Variants in PCGF3 observed in about 807,000 individuals in gnomAD.
The protein encoded by PCGF3 is polycomb group ring finger 3.
Under a neutral mutation model 33.1 loss-of-function variants are expected in PCGF3, and 7 were observed. The observed-to-expected ratio is 0.21, with a 90% confidence interval of 0.12 to 0.40. PCGF3 has a LOEUF of 0.40. Among genes scored for constraint, PCGF3 ranks in the 10% least tolerant of loss-of-function variants. The probability of loss-of-function intolerance (pLI) is 1.00; values close to 1 mark genes in which losing one functional copy is unlikely to be tolerated. For synonymous variants in PCGF3, 153 were observed against 121.3 expected, an observed-to-expected ratio of 1.26 and a Z score of -1.72; for missense variants, 211 against 313.3, an observed-to-expected ratio of 0.67 and a Z score of 2.46.
At chr4:743,007 G>A (rs1324170559) in intron 6 of PCGF3, among the ~76,000 whole-genome samples, 3 of 152,218 alleles carry the variant, frequency 2.0e-5, no homozygotes, top group Non-Finnish European at 2.9e-5. Flanking sequence ...CAGGAGCGTG[G>A]GGGGAACCCA....
intron 9 of PCGF3, chr4:762,226 TC>T: frequency 2.3e-6 from 1 of 425,744 alleles, no homozygotes. Context: ...ATGAAATAAT[TC>T]TGGAATATCT....
intron 1 of PCGF3, among the ~76,000 whole-genome samples, chr4:714,236 T>G (rs962231601): frequency 5.3e-5 from 8 of 152,236 alleles, no homozygotes; most frequent in African/African-American, 1.9e-4. Context: ...TTCTGTGGTT[T>G]GTCAGCTGCT....
rs142922203 is a variant in PCGF3 at position 719,954 on chromosome 4, G to A, written c.-189-10676G>A. Among the ~76,000 whole-genome samples, 381 of 152,314 alleles carry A rather than the reference G, an allele frequency of 2.5e-3. 2 individuals carry two copies. The highest frequency in any genetic ancestry group is 8.8e-3 in the African/African-American group (365 of 41,564). On this transcript the variant is annotated intron_variant, in intron 1 of 10. Transcript: ENST00000362003. ...GAGAGTCCATTGGGATCGTAGCTGT[G>A]GTGCGGTTCACAGCGTTGTGAACAG...
At chr4:768,324 G>A (rs561521894) in exon 11 of PCGF3, 1 of 152,566 alleles carries the variant, frequency 6.6e-6, no homozygotes, top group African/African-American at 2.4e-5. Flanking sequence ...AGCCTTAGTC[G>A]TTGGAGGCTG....
intron 1 of PCGF3, among the ~76,000 whole-genome samples, chr4:707,051 C>T (rs990972029): frequency 1.3e-5 from 2 of 152,166 alleles, no homozygotes; most frequent in Non-Finnish European, 1.5e-5. Flanking sequence ...TCAGACCAGG[C>T]AGGACCTGAA....
At chr4:711,971 A>G (rs1304016680) in intron 1 of PCGF3, among the ~76,000 whole-genome samples, 1 of 150,786 alleles carries the variant, frequency 6.6e-6, no homozygotes, top group African/African-American at 2.4e-5. Context: ...TAAAAAGTAA[A>G]AAAAAAAAGA....
At chr4:765,953 C>A in intron 10 of PCGF3, 79 bp from the exon 11 acceptor site, 1 of 1,339,066 alleles carries the variant, frequency 7.5e-7, no homozygotes, top group Non-Finnish European at 1.1e-6. Context: ...CGTGATTCCT[C>A]AGCACCCTTC....
intron 8 of PCGF3, among the ~76,000 whole-genome samples, chr4:760,915 C>A (rs558395840): frequency 1.1e-4 from 16 of 152,346 alleles, no homozygotes; most frequent in African/African-American, 3.6e-4. Flanking sequence ...CGAGTGCATT[C>A]GCAGACACGG....
chr4:749,382 T>G (rs1208910822), intron 8 of PCGF3, among the ~76,000 whole-genome samples: 1 of 152,042 alleles, frequency 6.6e-6, no homozygotes, highest in East Asian at 1.9e-4. Flanking sequence ...CAGGCTGATC[T>G]TGAACTCTTG....
chr4:715,579 G>A (rs13141283), intron 1 of PCGF3, among the ~76,000 whole-genome samples: 1,871 of 59,230 alleles, frequency 0.032, no homozygotes, highest in Middle Eastern at 0.074. Context: ...GGGACCCTGT[G>A]GACACTGTGA....
chr4:742,318 T>C (rs1235310690), intron 6 of PCGF3, among the ~76,000 whole-genome samples: 2 of 152,248 alleles, frequency 1.3e-5, no homozygotes, highest in Admixed American at 6.5e-5. Flanking sequence ...CATTGGTCCC[T>C]GCACGGTTGG....
chr4:752,595 G>A (rs1228917866), intron 8 of PCGF3, among the ~76,000 whole-genome samples: 4 of 152,180 alleles, frequency 2.6e-5, no homozygotes, highest in Non-Finnish European at 4.4e-5. Flanking sequence ...GGTGGGGGAC[G>A]GGCCTGCTGC....
In PCGF3 at chr4:734,182, G is replaced by A. The variant is rs201059663; in HGVS notation, c.109+393G>A. The A allele has an allele frequency of 2.7e-3, 4,168 of 1,542,338 alleles. 6 individuals are homozygous for A. Among genetic ancestry groups the A allele is most frequent in the Non-Finnish European group, 3.2e-3 (3,611 of 1,140,236 alleles). ...CCTGATGTGCGTCCTCACACCTGAT[G>A]AGTCTGTGCTTTGGTGTTAGAGGAC... On this transcript the variant is annotated intron_variant, in intron 4 of 10. Transcript: ENST00000362003.
intron 1 of PCGF3, among the ~76,000 whole-genome samples, chr4:727,811 G>A (rs534048810): frequency 1.3e-5 from 2 of 152,110 alleles, no homozygotes; most frequent in South Asian, 4.1e-4. Context: ...AGTTCTTTCC[G>A]TCTGCCATGG....
In PCGF3 at chr4:711,039, G is replaced by A. The variant is rs1742538849; in HGVS notation, c.-190+5069G>A. ...CACACTGGACATTTGACCGGTGTGA[G>A]GACTTAGCTCCAGGGTCCAGGCACT... is the stretch of plus-strand genomic sequence containing the variant. On this transcript the variant is annotated intron_variant, in intron 1 of 10. Transcript: ENST00000362003. 2.6e-5 allele frequency among the ~76,000 whole-genome samples: 4 copies of A among 152,228 alleles called. No individual in the cohort carries two copies. In the South Asian group the frequency reaches 6.2e-4, roughly 24 times the overall value.
intron 1 of PCGF3, among the ~76,000 whole-genome samples, chr4:712,423 GTTTGTTTGTTTGTTTTTGTTT>G (rs1305942744): frequency 1.3e-5 from 2 of 151,936 alleles, no homozygotes; most frequent in Admixed American, 1.3e-4. Flanking sequence ...TAATATTCGT[GTTTGTTTGTTTGTTTTTGTTT>G]TTTGTTTGTT....
At chr4:732,376 C>CCCTCCCCTCCCTTCTCCTTCT in intron 3 of PCGF3, 1 of 152,582 alleles carries the variant, frequency 6.6e-6, no homozygotes, top group East Asian at 2.1e-4. Context: ...CTTCTCCTTC[C>CCCTCCCCTCCCTTCTCCTTCT]CCTCCCTCTC....
intron 1 of PCGF3, among the ~76,000 whole-genome samples, chr4:707,328 C>T (rs1294483102): frequency 6.6e-6 from 1 of 152,148 alleles, no homozygotes; most frequent in Non-Finnish European, 1.5e-5. Flanking sequence ...AAGGTCCTGC[C>T]TTAAAGTGGG....
rs2152592934 is a variant in PCGF3, at chr4:744,584, C to G, written c.374-16C>G. On this transcript the variant is annotated splice_polypyrimidine_tract_variant and intron_variant, in intron 7 of 10. Coordinates refer to ENST00000362003, the Ensembl canonical transcript of PCGF3. ...TTTGGATTTCATGGTGCGCTATGTT[C>G]TGTTTGTGCTAAAAGGTGAAACCAA... 3 of 1,540,214 alleles carry G rather than the reference C, an allele frequency of 1.9e-6. No individual in the cohort carries two copies. Among genetic ancestry groups the G allele is most frequent in the Non-Finnish European group, 2.6e-6 (3 of 1,136,212 alleles).
Sources: allele counts gnomAD v4.1 joint callset (sites outside exome capture counted in the v4.1 genomes callset), GRCh38; gene constraint gnomAD v4.1.1; transcripts MANE v1.5; gene names NCBI Gene and HGNC (gene_info 2026-07-23, HGNC 2026-07-21).